Variants in TASP1 observed in about 807,000 individuals in gnomAD.
TASP1 encodes the protein taspase 1.
A neutral mutation model predicts 56.6 loss-of-function variants in TASP1; 16 were observed. That is an observed-to-expected ratio of 0.28 (90% CI 0.19 to 0.43). The LOEUF (loss-of-function observed/expected upper bound fraction) is 0.43. TASP1 is among the 20% of genes least tolerant of loss of function. The pLI is 1.00. For synonymous variants in TASP1, 179 were observed against 184.2 expected (o/e 0.97, Z 0.23); for missense variants, 393 against 511.6 (o/e 0.77, Z 2.24).
the TASP1 span, chr20:13,288,488 T>C: frequency 7.6e-6 from 12 of 1,584,570 alleles, no homozygotes; most frequent in Non-Finnish European, 9.5e-6. Context: ...GATGGGGAGA[T>C]TGGGAGACTC....
chr20:13,266,682 C>G, the TASP1 span, among the ~76,000 whole-genome samples: 1 of 152,178 alleles, frequency 6.6e-6, no homozygotes, highest in Non-Finnish European at 1.5e-5. Flanking sequence ...AGAATGAATT[C>G]AATGGCATTT....
rs1317590783 is a variant in TASP1, at chr20:13,436,842, TATGACTC to T, written c.986-1695_986-1689del. Reference sequence around the variant, plus strand: ...AGGGTAAGAGCTTCAAGATGACAAGTATGACTCATACACTAAAGGTTTTTAGTTCGGC... The same window carrying T: ...AGGGTAAGAGCTTCAAGATGACAAGTATACACTAAAGGTTTTTAGTTCGGC... On this transcript the variant is annotated intron_variant, in intron 11 of 13. Coordinates refer to ENST00000337743, the MANE Select transcript of TASP1 (RefSeq NM_017714.3). Among the ~76,000 whole-genome samples the T allele has an allele frequency of 2.0e-5, 3 of 152,096 alleles. 1 individual carries two copies. The highest frequency in any genetic ancestry group is 7.2e-5 in the African/African-American group (3 of 41,408).
the TASP1 span, among the ~76,000 whole-genome samples, chr20:13,174,264 A>C: frequency 8.5e-5 from 13 of 152,220 alleles, no homozygotes; most frequent in African/African-American, 3.1e-4. Flanking sequence ...GAAGTTCATG[A>C]TTAAATAGAT....
chr20:13,554,754 G>A (rs1218089715), intron 8 of TASP1, among the ~76,000 whole-genome samples: 4 of 152,012 alleles, frequency 2.6e-5, no homozygotes, highest in African/African-American at 7.3e-5. Flanking sequence ...AAAAAAATAT[G>A]CATACCTTAA....
chr20:13,132,934 C>T, the TASP1 span: 2 of 153,688 alleles, frequency 1.3e-5, no homozygotes, highest in Non-Finnish European at 2.9e-5. Flanking sequence ...TGCAGCCTGT[C>T]CCCCGCCTGT....
the TASP1 span, among the ~76,000 whole-genome samples, chr20:13,144,860 C>T: frequency 3.9e-5 from 6 of 152,220 alleles, no homozygotes; most frequent in African/African-American, 7.2e-5. Flanking sequence ...CTGCAAGCTC[C>T]GCCTCCCAGG....
At chr20:13,279,561 C>A in the TASP1 span, 2 of 1,461,050 alleles carry the variant, frequency 1.4e-6, no homozygotes, top group Non-Finnish European at 1.9e-6. Context: ...CCCTCTCAGA[C>A]TTTCTTCCAA....
At chr20:13,478,696 G>A (rs1444902053) in intron 11 of TASP1, among the ~76,000 whole-genome samples, 2 of 151,980 alleles carry the variant, frequency 1.3e-5, no homozygotes, top group African/African-American at 4.8e-5. Flanking sequence ...TAGCAAAACT[G>A]CACTTGAACC....
chr20:13,299,593 A>C, the TASP1 span: 10 of 878,544 alleles, frequency 1.1e-5, no homozygotes, highest in African/African-American at 5.0e-5. The surrounding 1 kb of genome is among the most constrained non-coding windows in gnomAD (Gnocchi z 5.8). Flanking sequence ...AGTATTTCTC[A>C]TACATTACGC....
intron 11 of TASP1, among the ~76,000 whole-genome samples, chr20:13,465,179 A>C (rs1253640747): frequency 3.1e-5 from 3 of 97,450 alleles, no homozygotes; most frequent in South Asian, 2.7e-4. Context: ...TCTCTCTCCC[A>C]AAAAAAAAAA....
the TASP1 span, among the ~76,000 whole-genome samples, chr20:13,319,716 A>G: frequency 1.3e-5 from 2 of 152,182 alleles, no homozygotes; most frequent in African/African-American, 4.8e-5. Context: ...GTTTGTATCT[A>G]TTTGAAGATT....
At chr20:13,385,130 A>C (rs1028046873), downstream of TASP1, among the ~76,000 whole-genome samples, 1 of 152,236 alleles carries the variant, frequency 6.6e-6, no homozygotes, top group Non-Finnish European at 1.5e-5. Flanking sequence ...GTGTTGTGTG[A>C]GGCCCCCATG....
At chr20:13,229,255 T>C in the TASP1 span, among the ~76,000 whole-genome samples, 1 of 152,170 alleles carries the variant, frequency 6.6e-6, no homozygotes, top group Non-Finnish European at 1.5e-5. Context: ...TATATGCCTA[T>C]ATAGTTACCA....
the TASP1 span, among the ~76,000 whole-genome samples, chr20:13,205,503 A>G: frequency 1.2e-4 from 19 of 152,294 alleles, no homozygotes; most frequent in African/African-American, 4.6e-4. Context: ...TCAAGACCCT[A>G]GCTGATTTAG....
intron 11 of TASP1, among the ~76,000 whole-genome samples, chr20:13,471,954 C>G (rs2044516645): frequency 6.6e-6 from 1 of 152,122 alleles, no homozygotes; most frequent in African/African-American, 2.4e-5. Flanking sequence ...CTCCATCAAG[C>G]TACCAATGAC....
At chr20:13,519,571 A>AC (rs1317786839) in intron 10 of TASP1, among the ~76,000 whole-genome samples, 1 of 152,104 alleles carries the variant, frequency 6.6e-6, no homozygotes, top group Non-Finnish European at 1.5e-5. Context: ...AAATTCAACA[A>AC]CCCTTCATGC....
At chr20:13,145,975 C>G in the TASP1 span, among the ~76,000 whole-genome samples, 2 of 152,144 alleles carry the variant, frequency 1.3e-5, no homozygotes, top group Non-Finnish European at 2.9e-5. Context: ...CACATGCATG[C>G]GAATGTTCCT....
At chr20:13,316,732 C>T in the TASP1 span, among the ~76,000 whole-genome samples, 1 of 151,394 alleles carries the variant, frequency 6.6e-6, no homozygotes, top group Non-Finnish European at 1.5e-5. Context: ...AATTCAACAC[C>T]CATTCATTAT....
the TASP1 span, among the ~76,000 whole-genome samples, chr20:13,109,450 G>C: frequency 1.1e-4 from 16 of 152,190 alleles, no homozygotes; most frequent in Non-Finnish European, 2.1e-4. Flanking sequence ...CCACAGAATG[G>C]AAATGCTACT....
Sources: allele counts gnomAD v4.1 joint callset (sites outside exome capture counted in the v4.1 genomes callset), GRCh38; gene constraint gnomAD v4.1.1; non-coding constraint Gnocchi (gnomAD v3.1); transcripts MANE v1.5; gene names NCBI Gene and HGNC (gene_info 2026-07-23, HGNC 2026-07-21).